Variants in RIMS1 observed in about 807,000 individuals in gnomAD.
RIMS1 encodes regulating synaptic membrane exocytosis 1.
A neutral mutation model predicts 214.1 loss-of-function variants in RIMS1; 83 were observed. The observed-to-expected ratio is 0.39, with a 90% CI of 0.32 to 0.47. The LOEUF is 0.47. RIMS1 is among the 20% of genes least tolerant of loss of function. The probability of loss-of-function intolerance (pLI) is 0.99; values close to 1 mark genes in which losing one functional copy is unlikely to be tolerated. For synonymous variants in RIMS1, 793 were observed against 786.8 expected (o/e 1.01, Z -0.13); for missense variants, 2,050 against 2,161.8 (o/e 0.95, Z 1.03).
intron 28 of RIMS1, chr6:72,317,122 G>T (rs1216808579): frequency 7.4e-6 from 3 of 403,986 alleles, no homozygotes. Context: ...GCCTGAAGGA[G>T]CTGGGCTGCT....
chr6:71,890,570 T>TAA lies in RIMS1; in HGVS notation c.164+3409_164+3410dup, dbSNP rs3076604. 3.8e-4 allele frequency among the ~76,000 whole-genome samples: 31 copies of TAA among 81,502 alleles called. 1 individual carries two copies. The highest frequency in any genetic ancestry group is 1.2e-3 in the African/African-American group (22 of 17,934). The allele number at this position is 81,502 out of a possible 152,430, so 53.5% of individuals were successfully genotyped here. On this transcript the variant is annotated intron_variant, in intron 1 of 33. Transcript: ENST00000521978. Reference sequence around the variant, plus strand: ...AGATCTAGGATCTTACTCCTTTTTGTAAAAAAAAAAAAAAAAAAAAAAAAA... The same window carrying TAA: ...AGATCTAGGATCTTACTCCTTTTTGTAAAAAAAAAAAAAAAAAAAAAAAAAAA...
intron 4 of RIMS1, among the ~76,000 whole-genome samples, chr6:72,164,893 C>T (rs552769171): frequency 1.3e-4 from 20 of 152,282 alleles, no homozygotes; most frequent in South Asian, 4.1e-4. Flanking sequence ...TGAGGTTTCA[C>T]ACTTATGACC....
chr6:72,248,307 A>G (rs533743622), intron 12 of RIMS1, among the ~76,000 whole-genome samples, 180 bp downstream of exon 12: 2 of 152,286 alleles, frequency 1.3e-5, no homozygotes, highest in East Asian at 1.9e-4. Flanking sequence ...ATATTTATTC[A>G]GAAATACTTA....
At chr6:71,950,039 A>G (rs889499586) in intron 1 of RIMS1, among the ~76,000 whole-genome samples, 3 of 152,212 alleles carry the variant, frequency 2.0e-5, no homozygotes, top group Admixed American at 1.3e-4. Context: ...AGAAAAAGGA[A>G]CCAACTACTG....
At chr6:71,951,511 A>G (rs1159420745) in intron 1 of RIMS1, among the ~76,000 whole-genome samples, 1 of 116,170 alleles carries the variant, frequency 8.6e-6, no homozygotes, top group Non-Finnish European at 1.7e-5. Context: ...TGTGTGTGTG[A>G]CAGAGTCTCC....
intron 2 of RIMS1, among the ~76,000 whole-genome samples, chr6:72,002,072 A>G (rs894494423): frequency 1.3e-5 from 2 of 152,188 alleles, no homozygotes; most frequent in African/African-American, 4.8e-5. Context: ...TTGGTAAGAA[A>G]GCCAAAGATG....
chr6:72,267,906 CAT>C (rs2081316992), intron 22 of RIMS1, among the ~76,000 whole-genome samples: 1 of 152,006 alleles, frequency 6.6e-6, no homozygotes, highest in South Asian at 2.1e-4. Flanking sequence ...ATATTGAAAA[CAT>C]ATATTCACTC....
At chr6:72,127,063 T>C (rs2449422) in intron 4 of RIMS1, among the ~76,000 whole-genome samples, 73,587 of 152,090 alleles carry the variant, frequency 0.48, 19,096 homozygotes, top group East Asian at 0.83. Flanking sequence ...TATATTCATG[T>C]TTTATAAATT....
intron 10 of RIMS1, 33 bp downstream of exon 10, chr6:72,242,470 G>A (rs1052833566): frequency 2.1e-5 from 30 of 1,452,320 alleles, no homozygotes; most frequent in Non-Finnish European, 2.6e-5. Context: ...CTTAAGTTTA[G>A]TAAATTACAT....
intron 2 of RIMS1, among the ~76,000 whole-genome samples, chr6:72,025,553 C>T (rs1816164787): frequency 6.6e-6 from 1 of 152,182 alleles, no homozygotes; most frequent in South Asian, 2.1e-4. Flanking sequence ...GAATGTGTGT[C>T]CATACTGCAC....
intron 2 of RIMS1, among the ~76,000 whole-genome samples, chr6:72,013,661 A>C (rs530643865): frequency 6.6e-6 from 1 of 152,200 alleles, no homozygotes; most frequent in Non-Finnish European, 1.5e-5. Flanking sequence ...TTTCTCCTTC[A>C]TTTCAAATGC....
intron 4 of RIMS1, among the ~76,000 whole-genome samples, chr6:72,150,460 C>G (rs945570897): frequency 6.6e-6 from 1 of 152,120 alleles, no homozygotes; most frequent in African/African-American, 2.4e-5. Flanking sequence ...CCTCCTGCCA[C>G]TATTATCAGG....
intron 29 of RIMS1, among the ~76,000 whole-genome samples, chr6:72,379,319 C>T (rs923972294): frequency 2.6e-5 from 4 of 152,212 alleles, no homozygotes; most frequent in African/African-American, 9.6e-5. Flanking sequence ...ATCCTAGACC[C>T]AAAGTAGCTG....
chr6:72,343,492 C>CTTTTTTTTTTTTTT (rs764125827), intron 29 of RIMS1, among the ~76,000 whole-genome samples: 22 of 57,304 alleles, frequency 3.8e-4, no homozygotes, highest in East Asian at 9.0e-4. Context: ...TCTTCTTCTT[C>CTTTTTTTTTTTTTT]TTTTTTTTTT....
intron 2 of RIMS1, among the ~76,000 whole-genome samples, chr6:71,988,773 A>G (rs898674674): frequency 6.6e-6 from 1 of 152,224 alleles, no homozygotes; most frequent in East Asian, 1.9e-4. Flanking sequence ...AGTAACTGTT[A>G]TTACAACTAT....
chr6:72,214,532 A>G (rs2054883107), intron 6 of RIMS1, among the ~76,000 whole-genome samples: 1 of 152,216 alleles, frequency 6.6e-6, no homozygotes, highest in South Asian at 2.1e-4. Flanking sequence ...TATTAGATTA[A>G]TGACATTCAA....
intron 16 of RIMS1, among the ~76,000 whole-genome samples, chr6:72,257,144 G>A (rs4634411): frequency 0.71 from 106,991 of 151,340 alleles, 38,661 homozygotes; most frequent in East Asian, 0.98. Context: ...TAGCTTCCCA[G>A]TTAAATTTAA....
intron 1 of RIMS1, among the ~76,000 whole-genome samples, chr6:71,927,722 A>C (rs1205720272): frequency 1.3e-5 from 2 of 152,038 alleles, no homozygotes; most frequent in Non-Finnish European, 2.9e-5. Context: ...TTCTTTTTTG[A>C]ACTTTATCAT....
intron 27 of RIMS1, among the ~76,000 whole-genome samples, chr6:72,312,603 A>G (rs2095565550): frequency 6.6e-6 from 1 of 152,134 alleles, no homozygotes; most frequent in Non-Finnish European, 1.5e-5. Context: ...GCATCTTTGA[A>G]TAAAAGATAT....
Sources: gnomAD v4.1 joint callset for allele counts (sites outside exome capture counted in the v4.1 genomes callset) on GRCh38, gnomAD v4.1.1 for gene constraint, MANE v1.5 for transcripts, NCBI Gene and HGNC (gene_info 2026-07-23, HGNC 2026-07-21) for gene names.